The following ZNF469 variants were observed in gnomAD, a reference collection of about 807,000 sequenced individuals.
The protein encoded by ZNF469 is zinc finger protein 469.
Under a neutral mutation model 1.0 loss-of-function variants are expected in ZNF469, and 1 was observed. The ratio of observed to expected loss-of-function variants is 1.00; its 90% CI spans 0.35 to 4.73. ZNF469 has a LOEUF of 4.73. ZNF469 is among the 30% of genes most tolerant of loss of function. The probability of loss-of-function intolerance (pLI) is 0.16; values close to 1 mark genes in which losing one functional copy is unlikely to be tolerated. For missense variants in ZNF469, 6,100 were observed against 5,356.3 expected, an observed-to-expected ratio of 1.14 and a Z score of -4.33; for synonymous variants, 2,703 against 2,363.4, an observed-to-expected ratio of 1.14 and a Z score of -4.17.
chr16:88,253,491 T>C, the ZNF469 span, among the ~76,000 whole-genome samples: 1 of 151,092 alleles, frequency 6.6e-6, no homozygotes, highest in African/African-American at 2.4e-5. Context: ...CATTTGTGGA[T>C]TTTCTTGCAT....
At chr16:88,293,570 G>C in the ZNF469 span, among the ~76,000 whole-genome samples, 2,181 of 152,266 alleles carry the variant, frequency 0.014, 25 homozygotes, top group South Asian at 0.024. Context: ...TCCATCACCT[G>C]CCAAGATTCT....
chr16:88,135,753 T>TTC, the ZNF469 span, among the ~76,000 whole-genome samples: 14,714 of 29,220 alleles, frequency 0.5, 4,468 homozygotes, highest in Middle Eastern at 0.81. Context: ...GCCATGTTTT[T>TTC]TTTTTTTTTT....
chr16:88,184,272 C>T, the ZNF469 span, among the ~76,000 whole-genome samples: 1 of 152,100 alleles, frequency 6.6e-6, no homozygotes, highest in Admixed American at 6.5e-5. Context: ...GGCACCCAGC[C>T]TGGCAGTGTG....
the ZNF469 span, among the ~76,000 whole-genome samples, chr16:88,345,282 C>T: frequency 6.6e-6 from 1 of 152,330 alleles, no homozygotes; most frequent in African/African-American, 2.4e-5. Flanking sequence ...CAGCTCTGTG[C>T]CTGTGCTGGC....
At chr16:88,368,328 G>A in the ZNF469 span, among the ~76,000 whole-genome samples, 20 of 152,260 alleles carry the variant, frequency 1.3e-4, no homozygotes, top group African/African-American at 3.1e-4. Flanking sequence ...GGGCCTGGAC[G>A]CCATCCCTGA....
At chr16:88,220,514 C>T in the ZNF469 span, among the ~76,000 whole-genome samples, 236 of 152,282 alleles carry the variant, frequency 1.5e-3, no homozygotes, top group African/African-American at 5.2e-3. Context: ...TGACCCATGA[C>T]GGGACGGGGG....
chr16:88,344,773 G>A, the ZNF469 span, among the ~76,000 whole-genome samples: 15 of 152,344 alleles, frequency 9.8e-5, no homozygotes, highest in African/African-American at 3.1e-4. Flanking sequence ...GGGAGGGGCC[G>A]CTATGGGTGT....
the ZNF469 span, chr16:88,178,889 C>G: frequency 6.8e-6 from 1 of 146,886 alleles, no homozygotes; most frequent in Non-Finnish European, 1.5e-5. Context: ...GGCCGCCCAC[C>G]ACCTTCACCT....
chr16:88,303,040 T>C, the ZNF469 span, among the ~76,000 whole-genome samples: 3 of 152,092 alleles, frequency 2.0e-5, no homozygotes, highest in East Asian at 5.8e-4. Flanking sequence ...CTTTCAGAGG[T>C]TGGGTCCCTT....
At chr16:88,308,794 C>T in the ZNF469 span, among the ~76,000 whole-genome samples, 1 of 152,164 alleles carries the variant, frequency 6.6e-6, no homozygotes, top group African/African-American at 2.4e-5. Flanking sequence ...GACAGACACC[C>T]TTCTAAGTGC....
At chr16:88,224,627 G>T in the ZNF469 span, among the ~76,000 whole-genome samples, 2 of 152,232 alleles carry the variant, frequency 1.3e-5, no homozygotes, top group East Asian at 3.9e-4. Flanking sequence ...GCAGGAGGGC[G>T]TCTGGGCTGC....
chr16:88,306,668 G>A, the ZNF469 span, among the ~76,000 whole-genome samples: 1 of 152,142 alleles, frequency 6.6e-6, no homozygotes, highest in African/African-American at 2.4e-5. Flanking sequence ...TAGCTCAGAC[G>A]CCTCCAGGCC....
chr16:88,375,267 G>A, the ZNF469 span, among the ~76,000 whole-genome samples: 8 of 152,226 alleles, frequency 5.3e-5, no homozygotes, highest in East Asian at 1.2e-3. Flanking sequence ...AGGGCCTGAC[G>A]CAGGCCACCA....
At chr16:88,316,245 C>T in the ZNF469 span, among the ~76,000 whole-genome samples, 2,197 of 152,322 alleles carry the variant, frequency 0.014, 61 homozygotes, top group African/African-American at 0.05. Context: ...GGAATCTGGA[C>T]GTACCTTTTA....
chr16:88,273,991 GA>G, the ZNF469 span, among the ~76,000 whole-genome samples: 74 of 152,116 alleles, frequency 4.9e-4, no homozygotes, highest in African/African-American at 1.7e-3. Flanking sequence ...TTTTAGTAGA[GA>G]CGGGGTTTCA....
At position 88,434,959 on chromosome 16, in the gene ZNF469, C is replaced by T; in HGVS notation, c.7489C>T (p.Pro2497Ser). Residue 2497 changes from proline to serine, a missense_variant, in exon 3 of 3, where the codon CCA becomes TCA. Pro to Ser is a moderately conservative substitution (Grantham distance 74, BLOSUM62 -1). Coordinates refer to ENST00000565624, the MANE Select transcript of ZNF469 (RefSeq NM_001367624.2). ...CCGGCACAAGGCCAGGAAGCACCGG[C>T]CACACCCGGGAGCCCCCGCGGAGCC... ...LSRHKARKHRPHPGAPAEPSP... is the reference protein window; with the variant it reads ...LSRHKARKHRSHPGAPAEPSP... The T allele has an allele frequency of 6.5e-7, 1 of 1,549,914 alleles. No individual in the cohort carries two copies. Among genetic ancestry groups the T allele is most frequent in the Non-Finnish European group, 8.7e-7 (1 of 1,146,868 alleles).
chr16:88,396,795 T>TGC (rs1470994240), intron 1 of ZNF469, among the ~76,000 whole-genome samples: 1 of 139,024 alleles, frequency 7.2e-6, no homozygotes, highest in South Asian at 2.3e-4. Context: ...GAGGAGACCC[T>TGC]TGAGAAGGGA....
the ZNF469 span, among the ~76,000 whole-genome samples, chr16:88,206,786 T>G: frequency 7.2e-6 from 1 of 138,724 alleles, no homozygotes; most frequent in Non-Finnish European, 1.6e-5. Flanking sequence ...GGTATCTCTG[T>G]GGGAACGGAA....
chr16:88,150,867 G>A, the ZNF469 span, among the ~76,000 whole-genome samples: 55 of 152,248 alleles, frequency 3.6e-4, no homozygotes, highest in African/African-American at 1.2e-3. Context: ...GGAATTCTGC[G>A]CCACGTCATT....
Sources: allele counts gnomAD v4.1 joint callset (sites outside exome capture counted in the v4.1 genomes callset), GRCh38; gene constraint gnomAD v4.1.1; transcripts MANE v1.5; gene names NCBI Gene and HGNC (gene_info 2026-07-23, HGNC 2026-07-21).